The following KIF6 variants were observed in gnomAD, a reference collection of about 807,000 sequenced individuals.
The protein encoded by KIF6 is kinesin family member 6, also known as kinesin-like protein KIF6.
A neutral mutation model predicts 112.7 loss-of-function variants in KIF6; 106 were observed. The observed-to-expected ratio is 0.94, with a 90% CI of 0.80 to 1.11. The LOEUF is 1.11. KIF6 is among the 50% of genes least tolerant of loss of function. The probability of loss-of-function intolerance (pLI) is 0.00; values close to 1 mark genes in which losing one functional copy is unlikely to be tolerated. For synonymous variants in KIF6, 339 were observed against 339.9 expected, an observed-to-expected ratio of 1.00 and a Z score of 0.03; for missense variants, 929 against 964.0, an observed-to-expected ratio of 0.96 and a Z score of 0.48.
At chr6:39,359,782 A>G (rs1299489196) in intron 18 of KIF6, among the ~76,000 whole-genome samples, 1 of 152,150 alleles carries the variant, frequency 6.6e-6, no homozygotes, top group African/African-American at 2.4e-5. Context: ...TCATTTTGGT[A>G]GAGACAGGGT....
chr6:39,385,654 A>G lies in KIF6; in HGVS notation c.1829T>C (p.Ile610Thr). The change falls in exon 16 of 23, where the codon ATC becomes ACC. Residue 610 changes from isoleucine (I) to threonine (T), a missense_variant. Physicochemically the swap from Ile to Thr is moderately conservative, Grantham distance 89. Transcript: ENST00000287152. ...TACTTGCTGTATATGCCGCTGGGTG[A>G]TTTCTTCCTTCAGGTGACCTGCCAA... Reference protein sequence around the residue: ...RSKIGHLKEEITQRHIQQVAL... With the variant: ...RSKIGHLKEETTQRHIQQVAL... The G allele has an allele frequency of 6.2e-7, 1 of 1,611,924 alleles. No homozygotes were observed. The highest frequency in any genetic ancestry group is 8.5e-7 in the Non-Finnish European group (1 of 1,179,204).
intron 19 of KIF6, among the ~76,000 whole-genome samples, chr6:39,348,882 C>T (rs1186677571): frequency 6.6e-6 from 1 of 152,210 alleles, no homozygotes; most frequent in East Asian, 1.9e-4. Context: ...AGCCGCTGGG[C>T]CCTCGCTCTC....
At chr6:39,605,587 G>T (rs570006403) in intron 6 of KIF6, among the ~76,000 whole-genome samples, 2 of 151,814 alleles carry the variant, frequency 1.3e-5, no homozygotes, top group Non-Finnish European at 2.9e-5. Context: ...GTATCATTTT[G>T]TTCTAATGAA....
chr6:39,632,080 C>G (rs1309770168), intron 5 of KIF6, among the ~76,000 whole-genome samples: 1 of 151,968 alleles, frequency 6.6e-6, no homozygotes, highest in East Asian at 1.9e-4. Context: ...AAGCAAATGA[C>G]TTTAGTTTAG....
At position 39,346,207 on chromosome 6, in the gene KIF6, C is replaced by T. The variant is rs187765360; in HGVS notation, c.2231+269G>A. ...ACAATAAGAAGGAGGTGCCAGCAAG[C>T]GAGGAAGGAAGCCCTCAGCAGGAAC... On this transcript the variant is annotated intron_variant, in intron 20 of 22. Coordinates refer to ENST00000287152, the MANE Select transcript of KIF6 (RefSeq NM_145027.6). Among the ~76,000 whole-genome samples the T allele has an allele frequency of 2.0e-3, 303 of 149,630 alleles. 2 individuals are homozygous for T. Among genetic ancestry groups the T allele is most frequent in the African/African-American group, 7.1e-3 (287 of 40,646 alleles).
intron 16 of KIF6, among the ~76,000 whole-genome samples, chr6:39,366,855 A>G (rs1017260397): frequency 2.0e-5 from 3 of 151,378 alleles, no homozygotes; most frequent in African/African-American, 4.9e-5. Context: ...GAGGAGAGGA[A>G]TGGGCTCGAT....
intron 13 of KIF6, among the ~76,000 whole-genome samples, chr6:39,455,221 C>T (rs1772988674): frequency 1.3e-5 from 2 of 151,884 alleles, no homozygotes; most frequent in South Asian, 4.2e-4. Context: ...CCCTGACCCC[C>T]GAGCAGCCTA....
At chr6:39,353,927 G>A in intron 19 of KIF6, 1 of 569,826 alleles carries the variant, frequency 1.8e-6, no homozygotes, top group South Asian at 1.6e-5. Flanking sequence ...CCAGACCCAT[G>A]GGGGTGCCAC....
intron 3 of KIF6, among the ~76,000 whole-genome samples, chr6:39,700,989 C>T (rs982412401): frequency 1.3e-5 from 2 of 152,120 alleles, no homozygotes; most frequent in Non-Finnish European, 2.9e-5. Flanking sequence ...TGTGAGCCAC[C>T]GCACCTAGCC....
At chr6:39,338,307 T>C (rs771476726) in intron 22 of KIF6, among the ~76,000 whole-genome samples, 1 of 152,182 alleles carries the variant, frequency 6.6e-6, no homozygotes, top group Admixed American at 6.5e-5. Context: ...TGGCTTGATA[T>C]TGCTGTGGAA....
intron 13 of KIF6, among the ~76,000 whole-genome samples, chr6:39,438,810 T>C (rs1446018246): frequency 6.6e-6 from 1 of 152,226 alleles, no homozygotes; most frequent in Admixed American, 6.5e-5. Context: ...CACCACTCAC[T>C]GGCTCACCCA....
chr6:39,503,155 C>G (rs1776229712), intron 13 of KIF6, among the ~76,000 whole-genome samples: 1 of 152,060 alleles, frequency 6.6e-6, no homozygotes, highest in Non-Finnish European at 1.5e-5. Flanking sequence ...CAGACCACAG[C>G]ACAATCAAAT....
At chr6:39,498,227 C>T (rs1193413893) in intron 13 of KIF6, among the ~76,000 whole-genome samples, 1 of 152,142 alleles carries the variant, frequency 6.6e-6, no homozygotes, top group African/African-American at 2.4e-5. Flanking sequence ...TGCAGCTGAG[C>T]TACAGAACTC....
At chr6:39,719,624 T>C (rs904349727) in intron 2 of KIF6, among the ~76,000 whole-genome samples, 11 of 152,120 alleles carry the variant, frequency 7.2e-5, no homozygotes, top group Non-Finnish European at 1.3e-4. Flanking sequence ...GAATGTGAAA[T>C]AGCTATACTC....
intron 14 of KIF6, among the ~76,000 whole-genome samples, chr6:39,421,596 A>T (rs1258358775): frequency 1.3e-5 from 2 of 152,186 alleles, no homozygotes; most frequent in Non-Finnish European, 2.9e-5. Flanking sequence ...AGAAGTGTGA[A>T]TTATGTCATT....
chr6:39,693,826 A>G (rs1788367231), intron 3 of KIF6, among the ~76,000 whole-genome samples: 1 of 152,158 alleles, frequency 6.6e-6, no homozygotes, highest in Admixed American at 6.5e-5. Context: ...CTACAAAACC[A>G]GCATCATCCT....
At chr6:39,367,272 G>A (rs756144732) in intron 16 of KIF6, among the ~76,000 whole-genome samples, 29 of 152,346 alleles carry the variant, frequency 1.9e-4, no homozygotes, top group Admixed American at 1.0e-3. Flanking sequence ...AGAAGAGGGA[G>A]TAACTACAAA....
intron 3 of KIF6, among the ~76,000 whole-genome samples, chr6:39,711,260 T>A (rs1392821076): frequency 2.9e-5 from 2 of 67,870 alleles, no homozygotes; most frequent in Non-Finnish European, 3.3e-5. Context: ...AAAAAAATCC[T>A]AAAAACACCT....
intron 17 of KIF6, among the ~76,000 whole-genome samples, chr6:39,361,997 C>T (rs1402410793): frequency 4.6e-5 from 7 of 152,168 alleles, no homozygotes; most frequent in Non-Finnish European, 8.8e-5. Flanking sequence ...GGTGACCATG[C>T]TGTATATCAG....
Sources: allele counts gnomAD v4.1 joint callset (sites outside exome capture counted in the v4.1 genomes callset), GRCh38; gene constraint gnomAD v4.1.1; transcripts MANE v1.5; gene names NCBI Gene and HGNC (gene_info 2026-07-23, HGNC 2026-07-21).